Variants in PHACTR1 observed in about 807,000 individuals in gnomAD.
The protein encoded by PHACTR1 is RPEL repeat containing 1.
A neutral mutation model predicts 69.2 loss-of-function variants in PHACTR1; 16 were observed. The ratio of observed to expected loss-of-function variants is 0.23; its 90% CI spans 0.16 to 0.35. The LOEUF (loss-of-function observed/expected upper bound fraction) is 0.35. Among genes scored for constraint, PHACTR1 ranks in the 10% least tolerant of loss-of-function variants. The pLI is 1.00. For missense variants in PHACTR1, 510 were observed against 734.7 expected (o/e 0.69, Z 3.54); for synonymous variants, 312 against 284.5 (o/e 1.10, Z -0.97).
Position 13,006,499 on chromosome 6 carries a change from A to C in PHACTR1, c.251-46866A>C, listed in dbSNP as rs546722465. Among the ~76,000 whole-genome samples the C allele has an allele frequency of 9.9e-5, 15 of 152,270 alleles. No homozygotes were observed. In the South Asian group the frequency reaches 2.9e-3, roughly 29 times the overall value. ...AATCTCACCGATCTTCTGTTTTGTG[A>C]AGTACAAAAAATGGAAATACTGCTT... On this transcript the variant is annotated intron_variant, in intron 4 of 14. Transcript: ENST00000332995.
At chr6:12,732,575 T>C (rs1242486711) in intron 3 of PHACTR1, among the ~76,000 whole-genome samples, 1 of 151,916 alleles carries the variant, frequency 6.6e-6, no homozygotes, top group East Asian at 1.9e-4. Flanking sequence ...GAACGTACAG[T>C]GTTTGGTTTT....
chr6:12,909,834 C>T (rs750179408), intron 4 of PHACTR1, among the ~76,000 whole-genome samples: 2 of 152,182 alleles, frequency 1.3e-5, no homozygotes, highest in Admixed American at 6.5e-5. Flanking sequence ...GAAGACATGC[C>T]CAGTAGCGTC....
At chr6:13,058,885 G>A (rs888742429) in intron 5 of PHACTR1, among the ~76,000 whole-genome samples, 1 of 152,154 alleles carries the variant, frequency 6.6e-6, no homozygotes, top group Non-Finnish European at 1.5e-5. Flanking sequence ...GGTAACCAAA[G>A]ACCAGCTCCC....
intron 4 of PHACTR1, among the ~76,000 whole-genome samples, chr6:12,930,494 C>T (rs544050908): frequency 2.0e-5 from 3 of 152,270 alleles, no homozygotes; most frequent in South Asian, 4.1e-4. Flanking sequence ...TTGTGTACAG[C>T]GTTGCCAGCC....
chr6:13,060,898 T>C (rs1807585771), intron 5 of PHACTR1, among the ~76,000 whole-genome samples: 2 of 152,196 alleles, frequency 1.3e-5, no homozygotes, highest in South Asian at 4.1e-4. Context: ...TTGGGTTAGT[T>C]TCCTAAGCTG....
At chr6:12,979,695 T>C (rs1381315372) in intron 4 of PHACTR1, among the ~76,000 whole-genome samples, 1 of 150,766 alleles carries the variant, frequency 6.6e-6, no homozygotes, top group African/African-American at 2.4e-5. Flanking sequence ...TCCAATGCAG[T>C]GAGTTTTCCT....
At chr6:13,160,405 A>C in intron 6 of PHACTR1, 121 bp downstream of exon 6, 1 of 864,578 alleles carries the variant, frequency 1.2e-6, no homozygotes, top group Non-Finnish European at 1.9e-6. Flanking sequence ...AACCATTAAA[A>C]CTCCAGACAG....
intron 5 of PHACTR1, among the ~76,000 whole-genome samples, chr6:13,156,420 T>C (rs1758179140): frequency 6.6e-6 from 1 of 152,266 alleles, no homozygotes; most frequent in Admixed American, 6.5e-5. Flanking sequence ...CTACATTTAC[T>C]TTTAAAGGAA....
chr6:13,209,941 A>G (rs1766551214), intron 8 of PHACTR1, among the ~76,000 whole-genome samples: 1 of 152,130 alleles, frequency 6.6e-6, no homozygotes, highest in Non-Finnish European at 1.5e-5. Context: ...ATCTTATACC[A>G]TCTTGTTCGT....
intron 4 of PHACTR1, among the ~76,000 whole-genome samples, chr6:13,049,796 G>A (rs761789012): frequency 2.6e-5 from 4 of 152,214 alleles, no homozygotes; most frequent in Non-Finnish European, 4.4e-5. Flanking sequence ...TCTTGGCCTT[G>A]TCTGAAGGCC....
chr6:13,016,340 C>T (rs1336125043), intron 4 of PHACTR1, among the ~76,000 whole-genome samples: 1 of 152,222 alleles, frequency 6.6e-6, no homozygotes, highest in Non-Finnish European at 1.5e-5. Flanking sequence ...GTGCCTGGTT[C>T]CTCATTCATC....
chr6:13,170,793 C>T (rs1316047653), intron 6 of PHACTR1, among the ~76,000 whole-genome samples: 5 of 152,150 alleles, frequency 3.3e-5, no homozygotes, highest in Non-Finnish European at 7.3e-5. Flanking sequence ...TTGAATATAA[C>T]CCCAGGACCC....
intron 8 of PHACTR1, among the ~76,000 whole-genome samples, chr6:13,218,065 TA>T (rs1767954042): frequency 1.3e-5 from 2 of 152,234 alleles, no homozygotes; most frequent in South Asian, 4.1e-4. Context: ...TTGAGGAGAT[TA>T]ATGTCTTTCT....
At chr6:13,285,996 G>C (rs1781613279) in intron 13 of PHACTR1, 150 bp from the exon 14 acceptor site, 3 of 652,146 alleles carry the variant, frequency 4.6e-6, no homozygotes, top group Non-Finnish European at 5.2e-6. Flanking sequence ...GGACATCTCA[G>C]GTGATTTTTC....
At chr6:12,992,831 C>G (rs1254749395) in intron 4 of PHACTR1, among the ~76,000 whole-genome samples, 1 of 152,134 alleles carries the variant, frequency 6.6e-6, no homozygotes, top group Non-Finnish European at 1.5e-5. Flanking sequence ...TATAGACGAG[C>G]TTGAGAAGGC....
intron 10 of PHACTR1, among the ~76,000 whole-genome samples, chr6:13,249,487 T>C (rs1357433170): frequency 2.0e-5 from 3 of 151,924 alleles, no homozygotes; most frequent in Non-Finnish European, 4.4e-5. Context: ...TGGTCAGGGG[T>C]ATGAACTACA....
At chr6:13,194,350 C>G (rs1764046752) in intron 7 of PHACTR1, among the ~76,000 whole-genome samples, 1 of 150,200 alleles carries the variant, frequency 6.7e-6, no homozygotes. Context: ...TTGCAGTGAG[C>G]CAAGATCACA....
At chr6:12,923,194 A>T (rs1220575801) in intron 4 of PHACTR1, among the ~76,000 whole-genome samples, 1 of 152,160 alleles carries the variant, frequency 6.6e-6, no homozygotes. Context: ...AAACTAGAAG[A>T]GATGAGAGGA....
Position 12,826,838 on chromosome 6 carries a change from T to C in PHACTR1, c.250+77048T>C, listed in dbSNP as rs11968079. Among the ~76,000 whole-genome samples, 1,076 of 152,322 alleles carry C rather than the reference T, an allele frequency of 7.1e-3. 17 individuals carry two copies. Among genetic ancestry groups the C allele is most frequent in the African/African-American group, 0.025 (1,025 of 41,576 alleles). On this transcript the variant is annotated intron_variant, in intron 4 of 14. Transcript: ENST00000332995. ...TTTCTCCTGGGACTCATTATGGGCA[T>C]GCTTTGTTCAATGAATCACTTTCTC...
Sources: allele counts gnomAD v4.1 joint callset (sites outside exome capture counted in the v4.1 genomes callset), GRCh38; gene constraint gnomAD v4.1.1; transcripts MANE v1.5; gene names NCBI Gene and HGNC (gene_info 2026-07-23, HGNC 2026-07-21).